Variants in PSMD3 observed in about 807,000 individuals in gnomAD.
PSMD3 encodes 26S proteasome non-ATPase regulatory subunit 3.
A neutral mutation model predicts 62.8 loss-of-function variants in PSMD3; 5 were observed. That is an observed-to-expected ratio of 0.08 (90% CI 0.04 to 0.17). The LOEUF (loss-of-function observed/expected upper bound fraction) is 0.17, where lower values mean the gene tolerates loss of function less well. Among genes scored for constraint, PSMD3 ranks in the 10% least tolerant of loss-of-function variants. The pLI is 1.00. For synonymous variants in PSMD3, 265 were observed against 283.9 expected (o/e 0.93, Z 0.67); for missense variants, 524 against 713.6 (o/e 0.73, Z 3.03).
intron 5 of PSMD3, 22 bp from the exon 6 acceptor site, chr17:39,990,072 C>T (rs1196949704): frequency 6.2e-7 from 1 of 1,609,782 alleles, no homozygotes; most frequent in Non-Finnish European, 8.5e-7. Flanking sequence ...TGTTGACCAA[C>T]TCTCCTCTCC....
intron 1 of PSMD3, among the ~76,000 whole-genome samples, chr17:39,981,631 AG>A (rs1339692331): frequency 6.6e-6 from 1 of 152,196 alleles, no homozygotes; most frequent in African/African-American, 2.4e-5. Flanking sequence ...ACTGTACAGC[AG>A]ATTTTTGTTG....
chr17:39,989,151 C>G (rs568720873), intron 4 of PSMD3, among the ~76,000 whole-genome samples: 2 of 152,302 alleles, frequency 1.3e-5, no homozygotes, highest in African/African-American at 2.4e-5. Context: ...CTTCCCGTCT[C>G]AAGGAAAGAC....
chr17:39,992,317 G>A (rs955431879), intron 6 of PSMD3, among the ~76,000 whole-genome samples: 1 of 152,196 alleles, frequency 6.6e-6, no homozygotes, highest in Non-Finnish European at 1.5e-5. Context: ...CAGGGAGAGA[G>A]AGGGCGGGAG....
intron 3 of PSMD3, among the ~76,000 whole-genome samples, chr17:39,987,683 A>G (rs550576682): frequency 1.4e-4 from 21 of 152,120 alleles, no homozygotes; most frequent in Non-Finnish European, 2.8e-4. Context: ...GGGTCTTGCT[A>G]TGTTAACCAA....
rs1980763441 is a variant in PSMD3, at chr17:39,995,571, C to G, written c.1320+44C>G. On this transcript the variant is annotated intron_variant, in intron 9 of 11. Transcript: ENST00000264639. The surrounding 1 kb of genome is among the most constrained non-coding windows in gnomAD (Gnocchi z 4.1). ...CCACAGTGACCAGGTTGTCACTTTC[C>G]TGCCAATCTCAGGAGGCAGGAGTGG... 1 of 1,550,358 alleles carries G rather than the reference C, an allele frequency of 6.5e-7. No individual in the cohort carries two copies.
At chr17:39,997,457 G>A in intron 11 of PSMD3, 47 bp from the exon 12 acceptor site, 1 of 1,484,484 alleles carries the variant, frequency 6.7e-7, no homozygotes, top group Non-Finnish European at 8.9e-7. Flanking sequence ...GTGTCTGGAA[G>A]GGCTGAGCTG....
Position 39,995,172 on chromosome 17 carries a change from G to A in PSMD3, c.1097-4G>A, listed in dbSNP as rs1198022614. On this transcript the variant is annotated splice_region_variant and splice_polypyrimidine_tract_variant and intron_variant, in intron 7 of 11. Coordinates refer to ENST00000264639, the MANE Select transcript of PSMD3 (RefSeq NM_002809.4). This position sits in a 1 kb window ranked among gnomAD's most constrained non-coding sequence, Gnocchi z 4.1. Reference sequence around the variant, plus strand: ...CATCCAATCTACTCCTGTTCTGCCTGCAGCTGTCAGGACAGGAAACCTAGC... The same window carrying A: ...CATCCAATCTACTCCTGTTCTGCCTACAGCTGTCAGGACAGGAAACCTAGC... 5.0e-6 allele frequency: 8 copies of A among 1,614,100 alleles called. No individual in the cohort carries two copies. The highest frequency in any genetic ancestry group is 6.8e-6 in the Non-Finnish European group (8 of 1,180,006).
chr17:39,984,169 C>T (rs1336857084), intron 1 of PSMD3, 125 bp from the exon 2 acceptor site: 12 of 840,432 alleles, frequency 1.4e-5, no homozygotes, highest in African/African-American at 8.2e-5. Context: ...CACTGCACTC[C>T]GGCCTGGGCG....
chr17:39,995,473 C>T lies in PSMD3; in HGVS notation c.1266C>T (p.Ile422=), dbSNP rs753054200. The change falls in exon 9 of 12, where the codon ATC becomes ATT. Residue 422 remains isoleucine (I), a synonymous_variant. Coordinates refer to ENST00000264639, the MANE Select transcript of PSMD3 (RefSeq NM_002809.4). This position sits in a 1 kb window ranked among gnomAD's most constrained non-coding sequence, Gnocchi z 4.1. ...ATTCCCGAATCTCCTTGGCTGACAT[C>T]GCCCAGAAGCTGCAGTTGGATAGCC... ...LSYSRISLAD[I]AQKLQLDSPE... is the part of the protein sequence containing the mutation. 2 of 1,614,078 alleles carry T rather than the reference C, an allele frequency of 1.2e-6. No homozygotes were observed. Among genetic ancestry groups the T allele is most frequent in the South Asian group, 1.1e-5 (1 of 91,072 alleles).
chr17:39,987,388 T>G (rs1354914301), intron 3 of PSMD3, among the ~76,000 whole-genome samples: 1 of 152,178 alleles, frequency 6.6e-6, no homozygotes, highest in African/African-American at 2.4e-5. Context: ...GGGTCTTGCT[T>G]TGTTGCCCAT....
intron 6 of PSMD3, among the ~76,000 whole-genome samples, chr17:39,990,967 T>A (rs1980641253): frequency 6.6e-6 from 1 of 152,052 alleles, no homozygotes; most frequent in Non-Finnish European, 1.5e-5. Context: ...TAAGTGATCT[T>A]TCTTTCTTTT....
chr17:39,981,377 C>G (rs778510968), intron 1 of PSMD3, among the ~76,000 whole-genome samples, 187 bp downstream of exon 1: 13 of 152,226 alleles, frequency 8.5e-5, no homozygotes, highest in Non-Finnish European at 1.6e-4. Flanking sequence ...TCTCTCCAGG[C>G]TGGGAACCAC....
Position 39,997,869 on chromosome 17 carries a change from G to T in PSMD3, c.*288G>T. The T allele has an allele frequency of 2.0e-6, 1 of 487,838 alleles. No individual in the cohort carries two copies. Among genetic ancestry groups the T allele is most frequent in the Non-Finnish European group, 3.7e-6 (1 of 267,962 alleles). 30.2% of individuals were successfully genotyped at this position (487,838 alleles called of 1,614,324 possible). A position where few individuals can be genotyped will look rare whatever the true frequency, so the allele number is the denominator to read the frequency against. ...AGGATAGTTCTGTGTACTCCTTTAG[G>T]GAGTGGGGGACTAGAACTGGGATGT... On this transcript the variant is annotated 3_prime_UTR_variant, in exon 12 of 12. Transcript: ENST00000264639.
intron 2 of PSMD3, 147 bp downstream of exon 2, chr17:39,984,631 C>A (rs1980477613): frequency 1.4e-6 from 1 of 726,246 alleles, no homozygotes; most frequent in Non-Finnish European, 2.2e-6. Context: ...CTCATCTGCA[C>A]AGTGACAAGG....
At position 39,997,321 on chromosome 17, in the gene PSMD3, G is replaced by T. The variant is rs376519642; in HGVS notation, c.1477-9G>T. 4 of 1,613,972 alleles carry T rather than the reference G, an allele frequency of 2.5e-6. No homozygotes were observed. In the East Asian group the frequency reaches 8.9e-5, roughly 36 times the overall value. On this transcript the variant is annotated splice_polypyrimidine_tract_variant and intron_variant, in intron 10 of 11. Transcript: ENST00000264639. ...CCCTCGCTCATCTCCTCTCTTTGCT[G>T]TGCCCCAGGCCATGAGGTTTCCTCC...
intron 1 of PSMD3, among the ~76,000 whole-genome samples, chr17:39,983,694 T>C (rs1980440888): frequency 1.3e-5 from 2 of 152,230 alleles, no homozygotes; most frequent in Admixed American, 6.5e-5. Context: ...TCCATTAAGA[T>C]CTGATAAATC....
Position 39,995,417 on chromosome 17 carries a change from C to T in PSMD3, c.1217-7C>T. ...TCTGCCCACCCCATCGCTCCTTCCT[C>T]TCCCAGGTGTACGCATGATCAGCCT... is the stretch of plus-strand genomic sequence containing the variant. On this transcript the variant is annotated splice_region_variant and splice_polypyrimidine_tract_variant and intron_variant, in intron 8 of 11. Coordinates refer to ENST00000264639, the MANE Select transcript of PSMD3 (RefSeq NM_002809.4). The surrounding 1 kb of genome is among the most constrained non-coding windows in gnomAD (Gnocchi z 4.1). The T allele has an allele frequency of 6.2e-7, 1 of 1,613,518 alleles. No homozygotes were observed. The highest frequency in any genetic ancestry group is 1.1e-5 in the South Asian group (1 of 91,074).
At chr17:39,991,552 A>G (rs1180444691) in intron 6 of PSMD3, among the ~76,000 whole-genome samples, 1 of 152,168 alleles carries the variant, frequency 6.6e-6, no homozygotes, top group Non-Finnish European at 1.5e-5. Context: ...AGTAGCCAGG[A>G]TGTAGACCCA....
Position 39,989,795 on chromosome 17 carries a change from C to G in PSMD3, c.743C>G (p.Ala248Gly), listed in dbSNP as rs753338181. Residue 248 changes from alanine (A) to glycine (G), a missense_variant, in exon 5 of 12, where the codon GCC (alanine) becomes GGC (glycine). By Grantham distance (60) the Ala-to-Gly change is moderately conservative. This residue lies in a region of PSMD3 where 396 missense variants were observed against 475.8 expected (regional missense o/e 0.83). Transcript: ENST00000264639. ...CTTCGGCATGACGCAGACGGGCAGG[C>G]CACCCTGTTGAACCTCCTGCTGCGG... The part of the protein sequence containing the change: ...ATLRHDADGQ[A>G]TLLNLLLRNY... 2 of 1,614,164 alleles carry G rather than the reference C, an allele frequency of 1.2e-6. No homozygotes were observed. Among genetic ancestry groups the G allele is most frequent in the Non-Finnish European group, 1.7e-6 (2 of 1,180,044 alleles).
Sources: allele counts gnomAD v4.1 joint callset (sites outside exome capture counted in the v4.1 genomes callset), GRCh38; gene constraint gnomAD v4.1.1; regional missense constraint gnomAD v4.1.1; non-coding constraint Gnocchi (gnomAD v3.1); transcripts MANE v1.5; gene names NCBI Gene and HGNC (gene_info 2026-07-23, HGNC 2026-07-21).